PDE5A: variants seen among roughly 807,000 people sequenced by gnomAD.
PDE5A encodes cGMP-specific 3',5'-cyclic phosphodiesterase.
A neutral mutation model predicts 110.2 loss-of-function variants in PDE5A; 67 were observed. The ratio of observed to expected loss-of-function variants is 0.61; its 90% CI spans 0.50 to 0.75. The LOEUF (loss-of-function observed/expected upper bound fraction) is 0.75, where lower values mean the gene tolerates loss of function less well. Ranked by LOEUF, PDE5A falls within the 30% of genes least tolerant of loss-of-function variation. PDE5A has a pLI of 0.00. For missense variants in PDE5A, 862 were observed against 1,045.1 expected, an observed-to-expected ratio of 0.82 and a Z score of 2.42; for synonymous variants, 328 against 351.2, an observed-to-expected ratio of 0.93 and a Z score of 0.74.
At chr4:119,514,029 A>G (rs1375683604) in intron 14 of PDE5A, among the ~76,000 whole-genome samples, 1 of 152,220 alleles carries the variant, frequency 6.6e-6, no homozygotes, top group Non-Finnish European at 1.5e-5. Flanking sequence ...TCTTTCAAAC[A>G]CAAGGCTATG....
chr4:119,584,341 C>T (rs990031891), intron 3 of PDE5A, among the ~76,000 whole-genome samples: 5 of 152,146 alleles, frequency 3.3e-5, no homozygotes, highest in African/African-American at 7.2e-5. Flanking sequence ...TCCCCACAAA[C>T]CAATGACTTA....
chr4:119,596,470 TC>T (rs1729154259), intron 3 of PDE5A, 52 bp downstream of exon 3: 1 of 1,006,060 alleles, frequency 9.9e-7, no homozygotes, highest in South Asian at 1.6e-5. Flanking sequence ...AAAATATTTT[TC>T]AAAAAGAAAA....
intron 9 of PDE5A, chr4:119,543,413 C>T (rs1441164695): frequency 6.6e-6 from 1 of 152,066 alleles, no homozygotes; most frequent in Non-Finnish European, 1.5e-5. Context: ...GTCCTTATCA[C>T]TTCTGTCTCT....
intron 3 of PDE5A, among the ~76,000 whole-genome samples, chr4:119,591,087 G>A (rs1469814280): frequency 1.3e-5 from 2 of 152,178 alleles, no homozygotes; most frequent in Non-Finnish European, 2.9e-5. Flanking sequence ...TAAGTTTAAA[G>A]TTTCTTAGAG....
chr4:119,576,130 G>A (rs944839493), intron 3 of PDE5A, among the ~76,000 whole-genome samples: 27 of 103,946 alleles, frequency 2.6e-4, no homozygotes, highest in African/African-American at 9.4e-4. Flanking sequence ...TCAACAAGAA[G>A]AGCTAACTAT....
At chr4:119,500,859 C>T (rs546792931) in intron 20 of PDE5A, 26 of 198,004 alleles carry the variant, frequency 1.3e-4, no homozygotes, top group African/African-American at 5.3e-4. Context: ...AAAATTTAGA[C>T]TTAAAAAAAG....
intron 1 of PDE5A, among the ~76,000 whole-genome samples, chr4:119,613,987 T>C (rs1327757251): frequency 6.6e-6 from 1 of 151,642 alleles, no homozygotes; most frequent in Admixed American, 6.6e-5. Flanking sequence ...AACATCTAGC[T>C]GAATCTAGAA....
At chr4:119,576,565 A>G (rs1578791996) in intron 3 of PDE5A, among the ~76,000 whole-genome samples, 1 of 152,262 alleles carries the variant, frequency 6.6e-6, no homozygotes, top group Non-Finnish European at 1.5e-5. Context: ...ATGGAAACTG[A>G]ACAATCGGCT....
At chr4:119,591,282 A>G (rs1021192537) in intron 3 of PDE5A, among the ~76,000 whole-genome samples, 1 of 152,188 alleles carries the variant, frequency 6.6e-6, no homozygotes, top group Non-Finnish European at 1.5e-5. Context: ...ATGCACTTCC[A>G]GTGTGCCAGG....
chr4:119,561,311 G>C (rs527414689), intron 6 of PDE5A, among the ~76,000 whole-genome samples: 1 of 152,064 alleles, frequency 6.6e-6, no homozygotes, highest in Non-Finnish European at 1.5e-5. Context: ...TCATGTTGTT[G>C]ATGTACTTTT....
intron 1 of PDE5A, among the ~76,000 whole-genome samples, chr4:119,612,850 C>A (rs1251075754): frequency 2.0e-5 from 3 of 152,126 alleles, no homozygotes; most frequent in Non-Finnish European, 4.4e-5. Context: ...TGGACTAAGA[C>A]AATATAGATT....
intron 15 of PDE5A, among the ~76,000 whole-genome samples, chr4:119,510,109 T>C (rs1453194263): frequency 6.6e-6 from 1 of 152,056 alleles, no homozygotes; most frequent in Non-Finnish European, 1.5e-5. Flanking sequence ...AGCCTACCAG[T>C]GCAGTAACAG....
chr4:119,601,066 C>T (rs1460735439), intron 2 of PDE5A, among the ~76,000 whole-genome samples: 1 of 152,132 alleles, frequency 6.6e-6, no homozygotes, highest in Non-Finnish European at 1.5e-5. Context: ...CACAGACCTC[C>T]TAAAGGCCAT....
intron 12 of PDE5A, among the ~76,000 whole-genome samples, chr4:119,521,913 T>C (rs1358092529): frequency 6.6e-6 from 1 of 152,030 alleles, no homozygotes; most frequent in Admixed American, 6.6e-5. Flanking sequence ...TACTATACTT[T>C]TGGGGATTTG....
chr4:119,582,104 T>C (rs1331184223), intron 3 of PDE5A, among the ~76,000 whole-genome samples: 1 of 152,242 alleles, frequency 6.6e-6, no homozygotes, highest in African/African-American at 2.4e-5. Context: ...CTCTGTAGCA[T>C]GTGATGCTGT....
At chr4:119,585,460 TTC>T (rs1300982661) in intron 3 of PDE5A, among the ~76,000 whole-genome samples, 2 of 152,154 alleles carry the variant, frequency 1.3e-5, no homozygotes, top group Non-Finnish European at 2.9e-5. Context: ...TCTATATCGC[TTC>T]TCCTCTGGTA....
At chr4:119,508,841 C>T (rs1430670894) in intron 15 of PDE5A, among the ~76,000 whole-genome samples, 1 of 151,690 alleles carries the variant, frequency 6.6e-6, no homozygotes, top group Non-Finnish European at 1.5e-5. Context: ...ATTATGCTTA[C>T]AAAGATAGAA....
chr4:119,549,985 G>A (rs1002238692), intron 9 of PDE5A: 3 of 152,158 alleles, frequency 2.0e-5, no homozygotes, highest in African/African-American at 7.2e-5. Flanking sequence ...ACTCTATAGG[G>A]ATTCTCTATT....
At chr4:119,582,036 G>C (rs1044620426) in intron 3 of PDE5A, among the ~76,000 whole-genome samples, 1 of 152,154 alleles carries the variant, frequency 6.6e-6, no homozygotes, top group African/African-American at 2.4e-5. Context: ...AAATTTCTTA[G>C]CATAAGACAA....
Sources: allele counts gnomAD v4.1 joint callset (sites outside exome capture counted in the v4.1 genomes callset), GRCh38; gene constraint gnomAD v4.1.1; transcripts MANE v1.5; gene names NCBI Gene and HGNC (gene_info 2026-07-23, HGNC 2026-07-21).